TIAM2: variants seen among roughly 807,000 people sequenced by gnomAD.
TIAM2 encodes TIAM Rac1 associated GEF 2, also known as rho guanine nucleotide exchange factor TIAM2.
TIAM2 carries 80 observed loss-of-function variants against 152.9 expected under a neutral mutation model. The observed-to-expected ratio is 0.52, with a 90% CI of 0.44 to 0.63. The LOEUF is 0.63. TIAM2 is among the 30% of genes least tolerant of loss of function. The pLI, the probability that TIAM2 is intolerant of heterozygous loss-of-function variation, is 0.00. For synonymous variants in TIAM2, 804 were observed against 838.0 expected (o/e 0.96, Z 0.70); for missense variants, 1,965 against 2,120.1 (o/e 0.93, Z 1.44).
intron 7 of TIAM2, among the ~76,000 whole-genome samples, chr6:155,154,296 C>T (rs893106936): frequency 1.3e-5 from 2 of 152,164 alleles, no homozygotes; most frequent in Non-Finnish European, 2.9e-5. Flanking sequence ...CATCATGCAA[C>T]AGAAATTCTC....
At chr6:155,094,230 A>G (rs1258081262) in intron 2 of TIAM2, among the ~76,000 whole-genome samples, 1 of 150,590 alleles carries the variant, frequency 6.6e-6, no homozygotes, top group Non-Finnish European at 1.5e-5. Context: ...TGGTTGGGTC[A>G]TGCGTCAGCT....
chr6:155,134,397 A>T (rs1465979653), intron 4 of TIAM2, among the ~76,000 whole-genome samples: 1 of 110,650 alleles, frequency 9.0e-6, no homozygotes, highest in African/African-American at 3.5e-5. Context: ...GCATCCCCCC[A>T]CCCCCCCCCA....
At chr6:155,171,094 A>C (rs1780575564) in intron 9 of TIAM2, among the ~76,000 whole-genome samples, 1 of 152,232 alleles carries the variant, frequency 6.6e-6, no homozygotes, top group Non-Finnish European at 1.5e-5. Flanking sequence ...TTTATACAAT[A>C]AGTACATTAC....
At chr6:155,112,998 T>C (rs1778894312) in intron 2 of TIAM2, among the ~76,000 whole-genome samples, 1 of 151,430 alleles carries the variant, frequency 6.6e-6, no homozygotes, top group South Asian at 2.1e-4. Flanking sequence ...TGACAATCCA[T>C]ATCCACACAG....
At chr6:155,034,396 A>G (rs1278197665) in intron 1 of TIAM2, among the ~76,000 whole-genome samples, 1 of 152,042 alleles carries the variant, frequency 6.6e-6, no homozygotes, top group Admixed American at 6.6e-5. Flanking sequence ...GATTGATTAT[A>G]GCCACCCACC....
In TIAM2 at chr6:155,045,050, C is replaced by CTT. The variant is rs200620585; in HGVS notation, c.-208-45222_-208-45221dup. Among the ~76,000 whole-genome samples the CTT allele has an allele frequency of 3.1e-3, 408 of 131,992 alleles. 12 individuals are homozygous for CTT. The highest frequency in any genetic ancestry group is 1.0e-2 in the African/African-American group (356 of 35,658). 86.6% of individuals were successfully genotyped at this position (131,992 alleles called of 152,430 possible). On this transcript the variant is annotated intron_variant, in intron 1 of 26. Coordinates refer to ENST00000682666, the MANE Select transcript of TIAM2 (RefSeq NM_012454.4). The stretch of plus-strand genomic sequence containing the variant: ...GAAAGCCCTTTTTCTTTTTCTTTTT[C>CTT]TTTTTTTTTTTTTTTTTTGAGACAG...
intron 1 of TIAM2, among the ~76,000 whole-genome samples, chr6:155,029,582 A>AGTATATAT (rs1468520935): frequency 1.2e-5 from 1 of 86,570 alleles, no homozygotes; most frequent in African/African-American, 4.8e-5. Flanking sequence ...TAGTATATAT[A>AGTATATAT]ACTATATAGT....
chr6:155,215,590 G>A (rs535552670), intron 15 of TIAM2, among the ~76,000 whole-genome samples: 2 of 151,970 alleles, frequency 1.3e-5, no homozygotes, highest in Admixed American at 1.3e-4. Context: ...CCTGTTCTTT[G>A]TTTCTTGGGA....
intron 6 of TIAM2, among the ~76,000 whole-genome samples, chr6:155,145,370 G>A (rs1393232292): frequency 1.3e-5 from 2 of 152,142 alleles, no homozygotes; most frequent in East Asian, 1.9e-4. Flanking sequence ...GCTTAGGTTT[G>A]AATCCTGGCA....
chr6:155,083,521 C>T (rs921263299), intron 1 of TIAM2, among the ~76,000 whole-genome samples: 1 of 152,144 alleles, frequency 6.6e-6, no homozygotes, highest in African/African-American at 2.4e-5. Context: ...CTGTTGTCCA[C>T]AGGACTAGCC....
At chr6:155,201,527 T>C (rs1020751586) in intron 14 of TIAM2, among the ~76,000 whole-genome samples, 3 of 152,230 alleles carry the variant, frequency 2.0e-5, no homozygotes, top group Non-Finnish European at 4.4e-5. Flanking sequence ...TATTTTTCAC[T>C]GGGGCTCATA....
chr6:155,040,812 C>A (rs959864157), intron 1 of TIAM2, among the ~76,000 whole-genome samples: 2 of 152,130 alleles, frequency 1.3e-5, no homozygotes, highest in African/African-American at 2.4e-5. Flanking sequence ...AGCCACCCTG[C>A]CTGGCTAAGA....
Position 155,156,378 on chromosome 6 carries a change from G to C in TIAM2, c.2029-8037G>C, listed in dbSNP as rs1780114216. Among the ~76,000 whole-genome samples, 1 of 152,168 alleles carries C rather than the reference G, an allele frequency of 6.6e-6. No individual in the cohort carries two copies. Among genetic ancestry groups the C allele is most frequent in the Non-Finnish European group, 1.5e-5 (1 of 68,030 alleles). On this transcript the variant is annotated intron_variant, in intron 7 of 26. Transcript: ENST00000682666. This position sits in a 1 kb window ranked among gnomAD's most constrained non-coding sequence, Gnocchi z 4.4. Reference sequence around the variant, plus strand: ...GCATCGGAAAAGCACATCTGGGTCAGGTGCAGTGGCTCATGCCTGTAATCC... The same window carrying C: ...GCATCGGAAAAGCACATCTGGGTCACGTGCAGTGGCTCATGCCTGTAATCC...
chr6:155,244,551 T>C, intron 17 of TIAM2, 107 bp from the exon 18 acceptor site: 2 of 1,370,346 alleles, frequency 1.5e-6, no homozygotes, highest in Non-Finnish European at 2.0e-6. Flanking sequence ...TTCTGTCTGC[T>C]TTTCCGTGAA....
chr6:155,060,895 A>G (rs1777564602), intron 1 of TIAM2, among the ~76,000 whole-genome samples: 1 of 152,214 alleles, frequency 6.6e-6, no homozygotes, highest in Admixed American at 6.5e-5. Context: ...AACTGTCTCA[A>G]AAACCAAACC....
intron 1 of TIAM2, among the ~76,000 whole-genome samples, chr6:155,050,798 T>C (rs559508151): frequency 3.9e-5 from 6 of 152,202 alleles, no homozygotes; most frequent in Non-Finnish European, 8.8e-5. Flanking sequence ...ACTTTGTTCT[T>C]ATTTGAATTA....
intron 14 of TIAM2, among the ~76,000 whole-genome samples, chr6:155,193,423 A>G (rs545908108): frequency 9.2e-5 from 14 of 152,276 alleles, no homozygotes; most frequent in Non-Finnish European, 2.1e-4. Flanking sequence ...TGTCACACTC[A>G]GATCTCATTG....
chr6:155,183,200 C>G (rs1316787769), intron 13 of TIAM2, 37 bp from the exon 14 acceptor site: 1 of 1,598,598 alleles, frequency 6.3e-7, no homozygotes. Flanking sequence ...ACAGTAATCC[C>G]TCTCTCTTTT....
intron 1 of TIAM2, among the ~76,000 whole-genome samples, chr6:155,021,053 C>T (rs1776470069): frequency 6.6e-6 from 1 of 152,124 alleles, no homozygotes; most frequent in African/African-American, 2.4e-5. Flanking sequence ...TAGCATGTAT[C>T]AGAATGTCTT....
Sources: allele counts gnomAD v4.1 joint callset (sites outside exome capture counted in the v4.1 genomes callset), GRCh38; gene constraint gnomAD v4.1.1; non-coding constraint Gnocchi (gnomAD v3.1); transcripts MANE v1.5; gene names NCBI Gene and HGNC (gene_info 2026-07-23, HGNC 2026-07-21).